The following ARHGAP29 variants were observed in gnomAD, a reference collection of about 807,000 sequenced individuals.
ARHGAP29 encodes the protein Rho GTPase activating protein 29.
Under a neutral mutation model 122.6 loss-of-function variants are expected in ARHGAP29, and 43 were observed. The observed-to-expected ratio is 0.35, with a 90% CI of 0.27 to 0.45. The LOEUF (loss-of-function observed/expected upper bound fraction) is 0.45, where lower values mean the gene tolerates loss of function less well. Ranked by LOEUF, ARHGAP29 falls within the 20% of genes least tolerant of loss-of-function variation. The pLI, the probability that ARHGAP29 is intolerant of heterozygous loss-of-function variation, is 1.00. For missense variants in ARHGAP29, 1,303 were observed against 1,477.2 expected (o/e 0.88, Z 1.93); for synonymous variants, 506 against 497.1 (o/e 1.02, Z -0.24).
intron 1 of ARHGAP29, among the ~76,000 whole-genome samples, chr1:94,257,928 T>A (rs1654422065): frequency 6.6e-6 from 1 of 152,154 alleles, no homozygotes; most frequent in South Asian, 2.1e-4. Flanking sequence ...ATGCACTGAT[T>A]TGATAACTCA....
upstream of ARHGAP29, chr1:94,237,816 GCAGAGCGACT>G: frequency 1.0e-6 from 1 of 971,802 alleles, no homozygotes; most frequent in Non-Finnish European, 1.2e-6. Context: ...CAGGGGACAG[GCAGAGCGACT>G]CAGAGAAAAG....
rs1451830555 is a variant in ARHGAP29 at position 94,173,970 on chromosome 1, C to T, written c.3685G>A (p.Glu1229Lys). The change falls in exon 23 of 23, where the codon GAG becomes AAG. Residue 1229 changes from glutamate (E) to lysine (K), a missense_variant. Glu to Lys is a moderately conservative substitution (Grantham distance 56). Around this residue, in one of 3 missense-constraint regions of ARHGAP29, gnomAD observed 620 missense variants for 651.2 expected, o/e 0.95. Transcript: ENST00000260526. ...GGATTCACATCAGGCAAGCCAAGCT[C>T]CTCAGAGTCTTCTTTAGGTTGACCA... is the stretch of plus-strand genomic sequence containing the variant. ...ATGQPKEDSE[E>K]LGLPDVNPMC... The T allele has an allele frequency of 6.2e-7, 1 of 1,614,196 alleles. No homozygotes were observed. Among genetic ancestry groups the T allele is most frequent in the South Asian group, 1.1e-5 (1 of 91,078 alleles).
the ARHGAP29 span, among the ~76,000 whole-genome samples, chr1:94,283,512 T>C: frequency 6.6e-6 from 1 of 152,152 alleles, no homozygotes; most frequent in Non-Finnish European, 1.5e-5. Context: ...ACTCAAATGG[T>C]TACCAAATAT....
chr1:94,260,430 T>A (rs912168237), intron 1 of ARHGAP29, among the ~76,000 whole-genome samples: 1 of 152,184 alleles, frequency 6.6e-6, no homozygotes, highest in Non-Finnish European at 1.5e-5. Context: ...AGAAAGCTGG[T>A]CACAAGCTCC....
rs1652200559 is a variant in ARHGAP29, at chr1:94,220,084, G to A, written c.340+174C>T. ...AAAGTTAGTTTTTAAAAGGAAGAAA[G>A]CTTTAGGTGTGACTTAGTGGGAATA... On this transcript the variant is annotated intron_variant, in intron 3 of 22. Transcript: ENST00000260526. Among the ~76,000 whole-genome samples, 6 of 152,204 alleles carry A rather than the reference G, an allele frequency of 3.9e-5. No homozygotes were observed. In the South Asian group the frequency reaches 1.2e-3, roughly 31 times the overall value.
At chr1:94,238,447 T>C (rs1284221355), upstream of ARHGAP29, among the ~76,000 whole-genome samples, 1 of 152,032 alleles carries the variant, frequency 6.6e-6, no homozygotes, top group Non-Finnish European at 1.5e-5. Context: ...GGAATAATTA[T>C]AGCAAGCAGG....
chr1:94,297,268 C>A, the ARHGAP29 span, among the ~76,000 whole-genome samples: 1 of 152,182 alleles, frequency 6.6e-6, no homozygotes, highest in Non-Finnish European at 1.5e-5. Flanking sequence ...TGACAATACT[C>A]GTGGTATGTA....
rs534876412 is a variant in ARHGAP29, at chr1:94,208,028, G to T, written c.510+804C>A. Among the ~76,000 whole-genome samples the T allele has an allele frequency of 2.6e-5, 4 of 151,904 alleles. No homozygotes were observed. The South Asian group carries it at 6.3e-4, about 24-fold the overall frequency. On this transcript the variant is annotated intron_variant, in intron 5 of 22. Coordinates refer to ENST00000260526, the MANE Select transcript of ARHGAP29 (RefSeq NM_004815.4). ...TCTGGCTAATTTTTTGTAGGGACAG[G>T]GCCTCAATCATGTTAACCAGGCTGG... is the stretch of plus-strand genomic sequence containing the variant.
chr1:94,200,354 T>C (rs1650761656), intron 12 of ARHGAP29, among the ~76,000 whole-genome samples: 1 of 152,178 alleles, frequency 6.6e-6, no homozygotes, highest in South Asian at 2.1e-4. Context: ...CACAATTAGA[T>C]AACACACCTA....
intron 16 of ARHGAP29, among the ~76,000 whole-genome samples, chr1:94,186,062 A>G (rs1557844550): frequency 1.3e-5 from 2 of 152,188 alleles, no homozygotes; most frequent in Non-Finnish European, 2.9e-5. Context: ...TCGTTAAGGT[A>G]ACTGATTTAA....
Position 94,207,843 on chromosome 1 carries a change from TG to T in ARHGAP29, c.510+988del, listed in dbSNP as rs376626434. Among the ~76,000 whole-genome samples, 17 of 152,178 alleles carry T rather than the reference TG, an allele frequency of 1.1e-4. No homozygotes were observed. In the South Asian group the frequency reaches 3.3e-3, roughly 30 times the overall value. On this transcript the variant is annotated intron_variant, in intron 5 of 22. Transcript: ENST00000260526. ...TTTCCAAATATTTGATTTTTTTTTT[TG>T]TTTTTGTTTCTTTGTGTTTTTTTAG...
chr1:94,303,248 C>G, the ARHGAP29 span, among the ~76,000 whole-genome samples: 3 of 152,164 alleles, frequency 2.0e-5, no homozygotes, highest in Admixed American at 1.3e-4. Flanking sequence ...GAAGGAAATT[C>G]TGACATATGA....
At chr1:94,210,608 A>G (rs1242478506) in intron 3 of ARHGAP29, among the ~76,000 whole-genome samples, 1 of 144,850 alleles carries the variant, frequency 6.9e-6, no homozygotes, top group Non-Finnish European at 1.6e-5. Flanking sequence ...GATACAAACA[A>G]AAAGAAAAAG....
intron 16 of ARHGAP29, among the ~76,000 whole-genome samples, 159 bp from the exon 17 acceptor site, chr1:94,185,640 G>C (rs988493524): frequency 4.6e-5 from 7 of 152,048 alleles, no homozygotes; most frequent in Non-Finnish European, 8.8e-5. Context: ...CCAATTTATA[G>C]GTCTAATTTA....
intron 1 of ARHGAP29, among the ~76,000 whole-genome samples, chr1:94,271,872 G>A (rs1655008048): frequency 6.6e-6 from 1 of 152,166 alleles, no homozygotes; most frequent in South Asian, 2.1e-4. Context: ...TGAAGTACAA[G>A]GTGCAGCTTC....
At chr1:94,205,845 T>A (rs1651155377) in intron 5 of ARHGAP29, among the ~76,000 whole-genome samples, 162 bp from the exon 6 acceptor site, 1 of 152,292 alleles carries the variant, frequency 6.6e-6, no homozygotes, top group East Asian at 1.9e-4. Context: ...GCCAGAACAC[T>A]TCATAAGAAT....
At chr1:94,224,320 T>C (rs554228588) in intron 2 of ARHGAP29, among the ~76,000 whole-genome samples, 2 of 152,300 alleles carry the variant, frequency 1.3e-5, no homozygotes, top group African/African-American at 4.8e-5. Context: ...GTTATTTCTA[T>C]CCCCTATTCT....
chr1:94,203,046 G>A (rs1650959828), intron 9 of ARHGAP29, 48 bp from the exon 10 acceptor site: 1 of 1,595,394 alleles, frequency 6.3e-7, no homozygotes, highest in Non-Finnish European at 8.5e-7. Context: ...ATTTTCTAAT[G>A]GCATGCCATT....
intron 12 of ARHGAP29, chr1:94,194,668 T>TCA (rs1198291230): frequency 6.6e-6 from 1 of 152,192 alleles, no homozygotes; most frequent in Non-Finnish European, 1.5e-5. Flanking sequence ...CCAAATATCA[T>TCA]CACATCATCA....
Sources: allele counts gnomAD v4.1 joint callset (sites outside exome capture counted in the v4.1 genomes callset), GRCh38; gene constraint gnomAD v4.1.1; regional missense constraint gnomAD v4.1.1; transcripts MANE v1.5; gene names NCBI Gene and HGNC (gene_info 2026-07-23, HGNC 2026-07-21).